Variants in PIGG observed in about 807,000 individuals in gnomAD.
PIGG encodes the protein phosphatidylinositol glycan anchor biosynthesis class G (EMM blood group), also known as GPI ethanolamine phosphate transferase 2, catalytic subunit.
A neutral mutation model predicts 83.2 loss-of-function variants in PIGG; 70 were observed. The observed-to-expected ratio is 0.84, with a 90% CI of 0.69 to 1.03. The LOEUF (loss-of-function observed/expected upper bound fraction) is 1.03, where lower values mean the gene tolerates loss of function less well. Among genes scored for constraint, PIGG ranks in the 50% least tolerant of loss-of-function variants. The pLI is 0.00. For missense variants in PIGG, 1,257 were observed against 1,233.6 expected, an observed-to-expected ratio of 1.02 and a Z score of -0.28; for synonymous variants, 532 against 519.5, an observed-to-expected ratio of 1.02 and a Z score of -0.33.
At chr4:533,786 A>T in intron 11 of PIGG, 32 bp from the exon 12 acceptor site, 1 of 1,607,780 alleles carries the variant, frequency 6.2e-7, no homozygotes, top group Non-Finnish European at 8.5e-7. Flanking sequence ...ACGTGTTGTG[A>T]GGCCTTTGTC....
In PIGG at chr4:535,430, G is replaced by A. The variant is rs561217903; in HGVS notation, c.2735+1449G>A. 1.2e-4 allele frequency among the ~76,000 whole-genome samples: 18 copies of A among 152,324 alleles called. No individual in the cohort carries two copies. The East Asian group carries it at 2.5e-3, about 21-fold the overall frequency. ...TGCGTGTGCTGAAACCGCGCACCGC[G>A]GCCCGGCCTCCTCCCGGGCAGGCGA... On this transcript the variant is annotated intron_variant, in intron 12 of 12. Coordinates refer to ENST00000453061, the MANE Select transcript of PIGG (RefSeq NM_001127178.3).
Position 515,318 on chromosome 4 carries a change from G to A in PIGG, c.902-655G>A, listed in dbSNP as rs1723469795. Among the ~76,000 whole-genome samples the A allele has an allele frequency of 6.6e-6, 1 of 152,246 alleles. No homozygotes were observed. The highest frequency in any genetic ancestry group is 1.5e-5 in the Non-Finnish European group (1 of 68,044). Reference sequence around the variant, plus strand: ...GGATGGTGGCAGAGCAGTGGCCTAGGCCCATGGTGCTGACATCACAGCCAT... The same window carrying A: ...GGATGGTGGCAGAGCAGTGGCCTAGACCCATGGTGCTGACATCACAGCCAT... On this transcript the variant is annotated intron_variant, in intron 5 of 12. Transcript: ENST00000453061. The surrounding 1 kb of genome is among the most constrained non-coding windows in gnomAD (Gnocchi z 4.2).
At chr4:517,126 A>G (rs1724170655) in intron 6 of PIGG, among the ~76,000 whole-genome samples, 1 of 152,138 alleles carries the variant, frequency 6.6e-6, no homozygotes, top group Non-Finnish European at 1.5e-5. Context: ...TCTGAGTTAA[A>G]TGGGGAGCTG....
intron 2 of PIGG, chr4:502,058 C>T (rs1553876202): frequency 6.6e-6 from 1 of 152,202 alleles, no homozygotes; most frequent in African/African-American, 2.4e-5. Flanking sequence ...TCAGGAACAC[C>T]GGTTTCTTTA....
At chr4:508,672 TG>T (rs1195971925) in intron 4 of PIGG, among the ~76,000 whole-genome samples, 156 bp from the exon 5 acceptor site, 1 of 152,218 alleles carries the variant, frequency 6.6e-6, no homozygotes, top group African/African-American at 2.4e-5. Flanking sequence ...ACTGTGACCC[TG>T]TGATCTGGCT....
chr4:539,030 G>C, intron 12 of PIGG, 123 bp from the exon 13 acceptor site: 1 of 647,572 alleles, frequency 1.5e-6, no homozygotes, highest in South Asian at 1.9e-5. Flanking sequence ...TGCAGAAGAA[G>C]GAACGCGGTG....
At chr4:502,727 T>C (rs1553876562) in intron 2 of PIGG, among the ~76,000 whole-genome samples, 2 of 152,096 alleles carry the variant, frequency 1.3e-5, no homozygotes. Context: ...AAGTAGTCCC[T>C]ACCCTCTTTA....
chr4:508,710 A>T (rs908998354), intron 4 of PIGG, 119 bp from the exon 5 acceptor site: 26 of 856,000 alleles, frequency 3.0e-5, no homozygotes, highest in Non-Finnish European at 4.7e-5. Flanking sequence ...AAAAAATCTA[A>T]TTCATTGAGA....
Position 515,744 on chromosome 4 carries a change from C to T in PIGG, c.902-229C>T, listed in dbSNP as rs879665781. 1.4e-4 allele frequency among the ~76,000 whole-genome samples: 22 copies of T among 152,352 alleles called. No homozygotes were observed. Among genetic ancestry groups the T allele is most frequent in the Non-Finnish European group, 2.6e-4 (18 of 68,040 alleles). ...TGGAATTCCTCACATGAGCCTCTCT[C>T]GCAGCCTGTTGCAGGCTACTGAAGG... On this transcript the variant is annotated intron_variant, in intron 5 of 12. Transcript: ENST00000453061. The surrounding 1 kb of genome is among the most constrained non-coding windows in gnomAD (Gnocchi z 4.2).
intron 5 of PIGG, among the ~76,000 whole-genome samples, chr4:511,897 A>C (rs903218763): frequency 6.6e-6 from 1 of 152,182 alleles, no homozygotes; most frequent in Non-Finnish European, 1.5e-5. Context: ...TTCTTTCAGC[A>C]CTTTGAATGT....
At position 521,813 on chromosome 4, in the gene PIGG, A is replaced by G. The variant is rs777172899; in HGVS notation, c.1486A>G (p.Ser496Gly). The change falls in exon 8 of 13, where the codon AGT becomes GGT. Residue 496 changes from serine (S) to glycine (G), a missense_variant. Coordinates refer to ENST00000453061, the MANE Select transcript of PIGG (RefSeq NM_001127178.3). Reference protein sequence around the residue: ...VHVIVCTSAESSCYFCGLSWL... With the variant: ...VHVIVCTSAEGSCYFCGLSWL... Reference sequence around the variant, plus strand: ...CGTCATTGTGTGCACCTCAGCTGAAAGTTCGTGCTACTTCTGTGGCCTCTC... The same window carrying G: ...CGTCATTGTGTGCACCTCAGCTGAAGGTTCGTGCTACTTCTGTGGCCTCTC... The G allele has an allele frequency of 7.4e-6, 12 of 1,614,048 alleles. No homozygotes were observed. The South Asian group carries it at 1.2e-4, about 16-fold the overall frequency.
intron 9 of PIGG, 119 bp downstream of exon 9, chr4:524,032 G>A: frequency 1.5e-6 from 1 of 650,962 alleles, no homozygotes; most frequent in Non-Finnish European, 2.6e-6. Context: ...TAGTATTTGA[G>A]ATCTGAAGAA....
intron 5 of PIGG, among the ~76,000 whole-genome samples, chr4:512,164 T>A (rs1722181083): frequency 6.6e-6 from 1 of 152,102 alleles, no homozygotes; most frequent in Admixed American, 6.5e-5. Flanking sequence ...CTTCTGCCAG[T>A]TCAAGTCTAT....
chr4:519,779 C>G (rs1264213831), intron 6 of PIGG, among the ~76,000 whole-genome samples: 1 of 88,786 alleles, frequency 1.1e-5, no homozygotes, highest in African/African-American at 5.4e-5. Flanking sequence ...GGTTCACGCT[C>G]AGGGACCTGG....
chr4:530,056 T>C (rs1306752622), intron 10 of PIGG, among the ~76,000 whole-genome samples: 6 of 152,270 alleles, frequency 3.9e-5, no homozygotes, highest in Admixed American at 2.0e-4. Context: ...CAGCAGTTTC[T>C]TAGAGTTGAC....
chr4:516,854 CAAAAAAAAA>C (rs1178401194), intron 6 of PIGG, among the ~76,000 whole-genome samples: 1 of 46,520 alleles, frequency 2.1e-5, no homozygotes, highest in East Asian at 6.5e-4. Context: ...GACTCTGCCT[CAAAAAAAAA>C]AAAAAAAAAA....
Position 522,086 on chromosome 4 carries a change from AG to A in PIGG, c.1614+148del, listed in dbSNP as rs1192334023. ...GGCAGTGCCCTGGACAGGGGGCCTC[AG>A]GGAAGGACGTGGAGCAGCCTTATCC... On this transcript the variant is annotated intron_variant, in intron 8 of 12. Coordinates refer to ENST00000453061, the MANE Select transcript of PIGG (RefSeq NM_001127178.3). The A allele has an allele frequency of 3.6e-6, 3 of 836,168 alleles. No individual in the cohort carries two copies. The East Asian group carries it at 7.9e-5, about 22-fold the overall frequency. 51.8% of individuals were successfully genotyped at this position (836,168 alleles called of 1,614,324 possible). A position where few individuals can be genotyped will look rare whatever the true frequency, so the allele number is the denominator to read the frequency against.
chr4:512,542 G>A (rs1181652942), intron 5 of PIGG, among the ~76,000 whole-genome samples: 1 of 151,882 alleles, frequency 6.6e-6, no homozygotes, highest in Non-Finnish European at 1.5e-5. Flanking sequence ...TTTCTGGCCT[G>A]GCACGGTGGC....
At chr4:510,311 C>T (rs1398711137) in intron 5 of PIGG, among the ~76,000 whole-genome samples, 2 of 152,214 alleles carry the variant, frequency 1.3e-5, no homozygotes, top group Non-Finnish European at 2.9e-5. Context: ...GCTAGTTAAC[C>T]GCAGCAGGAG....
Sources: allele counts gnomAD v4.1 joint callset (sites outside exome capture counted in the v4.1 genomes callset), GRCh38; gene constraint gnomAD v4.1.1; non-coding constraint Gnocchi (gnomAD v3.1); transcripts MANE v1.5; gene names NCBI Gene and HGNC (gene_info 2026-07-23, HGNC 2026-07-21).